The following MAPKBP1 variants were observed in gnomAD, a reference collection of about 807,000 sequenced individuals.
MAPKBP1 encodes the protein mitogen-activated protein kinase binding protein 1.
In MAPKBP1, 71 loss-of-function variants were observed where a neutral mutation model predicts 170.5. The ratio of observed to expected loss-of-function variants is 0.42; its 90% CI spans 0.34 to 0.51. The LOEUF (loss-of-function observed/expected upper bound fraction) is 0.51, where lower values mean the gene tolerates loss of function less well. Ranked by LOEUF, MAPKBP1 falls within the 20% of genes least tolerant of loss-of-function variation. The pLI is 0.06. For missense variants in MAPKBP1, 1,598 were observed against 1,933.0 expected (o/e 0.83, Z 3.25); for synonymous variants, 719 against 757.9 (o/e 0.95, Z 0.84).
intron 2 of MAPKBP1, among the ~76,000 whole-genome samples, chr15:41,777,639 T>A (rs901859697): frequency 1.3e-5 from 2 of 152,142 alleles, no homozygotes; most frequent in African/African-American, 4.8e-5. Flanking sequence ...GCTGTCTTTG[T>A]GCGCCCAGGA....
intron 3 of MAPKBP1, among the ~76,000 whole-genome samples, chr15:41,801,287 C>G (rs2064589764): frequency 6.6e-6 from 1 of 152,278 alleles, no homozygotes; most frequent in South Asian, 2.1e-4. Flanking sequence ...CCTTTTCACT[C>G]CTCTGCTCCT....
At chr15:41,801,723 G>A (rs1024474778) in intron 3 of MAPKBP1, among the ~76,000 whole-genome samples, 1 of 152,106 alleles carries the variant, frequency 6.6e-6, no homozygotes, top group African/African-American at 2.4e-5. Flanking sequence ...GATGGCGGGT[G>A]CTGGTAGTCC....
intron 2 of MAPKBP1, among the ~76,000 whole-genome samples, 192 bp from the exon 3 acceptor site, chr15:41,799,631 T>A (rs964990646): frequency 6.6e-5 from 10 of 152,212 alleles, no homozygotes; most frequent in Non-Finnish European, 1.3e-4. Flanking sequence ...TGATGCACGC[T>A]GGGTTTTTCC....
chr15:41,774,734 G>C (rs2064066495), intron 1 of MAPKBP1, 124 bp downstream of exon 1: 1 of 399,780 alleles, frequency 2.5e-6, no homozygotes, highest in African/African-American at 2.1e-5. Flanking sequence ...GAGTGGGGGA[G>C]GGAGGCTCCC....
At position 41,827,041 on chromosome 15, in the gene MAPKBP1, A is replaced by C. The variant is rs2065114757; in HGVS notation, c.*1605A>C. The C allele has an allele frequency of 6.6e-6, 1 of 152,288 alleles. No homozygotes were observed. The allele number at this position is 152,288 out of a possible 1,614,324, so 9.4% of individuals were successfully genotyped here. On this transcript the variant is annotated 3_prime_UTR_variant, in exon 31 of 31. Coordinates refer to ENST00000457542, the MANE Select transcript of MAPKBP1 (RefSeq NM_014994.3). ...CCAGGTGTGGTGGCTCAAGCCTGTA[A>C]TCCCAGCACTTTGGGAGGCCGAGGC... is the stretch of plus-strand genomic sequence containing the variant.
chr15:41,799,620 G>A (rs912337497), intron 2 of MAPKBP1, among the ~76,000 whole-genome samples: 9 of 152,198 alleles, frequency 5.9e-5, no homozygotes, highest in South Asian at 2.1e-4. Flanking sequence ...CCGAAAATAG[G>A]TGATGCACGC....
intron 10 of MAPKBP1, 21 bp from the exon 11 acceptor site, chr15:41,815,238 G>A: frequency 6.2e-7 from 1 of 1,613,926 alleles, no homozygotes; most frequent in Non-Finnish European, 8.5e-7. Context: ...AGGTCTGATT[G>A]TGTTCCCTCG....
chr15:41,818,019 A>T lies in MAPKBP1; in HGVS notation c.1915A>T (p.Ile639Phe). The T allele has an allele frequency of 6.2e-7, 1 of 1,614,134 alleles. No individual in the cohort carries two copies. The highest frequency in any genetic ancestry group is 8.5e-7 in the Non-Finnish European group (1 of 1,179,990). The change falls in exon 17 of 31, where the codon ATC becomes TTC. Residue 639 changes from isoleucine (I) to phenylalanine (F), a missense_variant. By Grantham distance (21) the Ile-to-Phe change is conservative. Coordinates refer to ENST00000457542, the MANE Select transcript of MAPKBP1 (RefSeq NM_014994.3). This position sits in a 1 kb window ranked among gnomAD's most constrained non-coding sequence, Gnocchi z 5.2. ...CQDRNIRIFN[I>F]SSGKQKKLFK... The stretch of plus-strand genomic sequence containing the variant: ...CTATGTTTCTTACAGGATATTTAAC[A>T]TCAGCAGTGGAAAGCAGAAGAAGCT...
chr15:41,788,605 T>C (rs1474709400), intron 2 of MAPKBP1, among the ~76,000 whole-genome samples: 1 of 152,048 alleles, frequency 6.6e-6, no homozygotes, highest in Non-Finnish European at 1.5e-5. Context: ...TATAGGGTAG[T>C]GGAAGGGAAG....
Position 41,819,639 on chromosome 15 carries a change from G to C in MAPKBP1, c.2470G>C (p.Glu824Gln), listed in dbSNP as rs1369123433. 6.2e-7 allele frequency: 1 copy of C among 1,610,482 alleles called. No individual in the cohort carries two copies. The highest frequency in any genetic ancestry group is 1.1e-5 in the South Asian group (1 of 90,992). Residue 824 changes from glutamate to glutamine, a missense_variant, in exon 22 of 31, where the codon GAG (glutamate) becomes CAG (glutamine). Coordinates refer to ENST00000457542, the MANE Select transcript of MAPKBP1 (RefSeq NM_014994.3). ...TTTGCCCCGAAGCCTGTCCCACTGG[G>C]AGATGAGTCGGGTGAGTCGCCATTG... ...PALPRSLSHW[E>Q]MSRAQESVGF...
Position 41,813,690 on chromosome 15 carries a change from C to T in MAPKBP1, c.889C>T (p.Arg297Cys), listed in dbSNP as rs140231246. 2.2e-4 allele frequency: 349 copies of T among 1,614,072 alleles called. No homozygotes were observed. The highest frequency in any genetic ancestry group is 6.6e-4 in the Middle Eastern group (4 of 6,062). ...IFCGCADGTV[R>C]LFNPSNLHFL... ...CTGTGGCTGTGCTGATGGCACCGTGCGCCTTTTCAACCCCTCTAACCTGCA... is the reference window on the plus strand; with the variant it reads ...CTGTGGCTGTGCTGATGGCACCGTGTGCCTTTTCAACCCCTCTAACCTGCA... The change falls in exon 9 of 31, where the codon CGC (arginine) becomes TGC (cysteine). Residue 297 changes from arginine (R) to cysteine (C), a missense_variant. Arg to Cys is a radical substitution (Grantham distance 180, BLOSUM62 -3). Coordinates refer to ENST00000457542, the MANE Select transcript of MAPKBP1 (RefSeq NM_014994.3).
In MAPKBP1 at chr15:41,823,142, G is replaced by C; in HGVS notation, c.3518G>C (p.Trp1173Ser). 1 of 1,613,684 alleles carries C rather than the reference G, an allele frequency of 6.2e-7. No homozygotes were observed. Among genetic ancestry groups the C allele is most frequent in the South Asian group, 1.1e-5 (1 of 91,080 alleles). Residue 1173 changes from tryptophan (W) to serine (S), a missense_variant, in exon 28 of 31, where the codon TGG becomes TCG. By Grantham distance (177) the Trp-to-Ser change is radical (BLOSUM62 -3). This residue lies in a region of MAPKBP1 where 942 missense variants were observed against 953.2 expected (regional missense o/e 0.99). Coordinates refer to ENST00000457542, the MANE Select transcript of MAPKBP1 (RefSeq NM_014994.3). ...TGCCGTCTCAACCCTGACAGCAGCT[G>C]GGCTCCCAAGAGAGTGGCCACAGCC... Reference protein sequence around the residue: ...PRCRLNPDSSWAPKRVATASP... With the variant: ...PRCRLNPDSSSAPKRVATASP...
In MAPKBP1 at chr15:41,826,351, G is replaced by A. The variant is rs1291064063; in HGVS notation, c.*915G>A. 6.6e-6 allele frequency: 1 copy of A among 152,418 alleles called. No homozygotes were observed. The highest frequency in any genetic ancestry group is 1.5e-5 in the Non-Finnish European group (1 of 68,166). The allele number at this position is 152,418 out of a possible 1,614,324, so 9.4% of individuals were successfully genotyped here. A position where few individuals can be genotyped will look rare whatever the true frequency, so the allele number is the denominator to read the frequency against. On this transcript the variant is annotated 3_prime_UTR_variant, in exon 31 of 31. Transcript: ENST00000457542. ...TACGGGGCGCTGGCCTACCTCCTGA[G>A]GACCTCAGCCACAGATGAGATCACA...
At chr15:41,811,088 T>G in intron 4 of MAPKBP1, 90 bp from the exon 5 acceptor site, 1 of 1,548,964 alleles carries the variant, frequency 6.5e-7, no homozygotes, top group Non-Finnish European at 8.9e-7. Flanking sequence ...GCCATTGGTG[T>G]CTGCTGGTCT....
intron 2 of MAPKBP1, among the ~76,000 whole-genome samples, chr15:41,793,519 T>C (rs1004089310): frequency 2.0e-5 from 3 of 152,208 alleles, no homozygotes; most frequent in Non-Finnish European, 4.4e-5. Flanking sequence ...TGTAATGGGT[T>C]TATTGTTATT....
At position 41,775,242 on chromosome 15, in the gene MAPKBP1, G is replaced by C. The variant is rs1211921847; in HGVS notation, c.-34G>C. ...GCTGTTGAGACAAGACCCAGGACTG[G>C]GCCGGGGACTGTCCCAAAGGGTTTC... is the stretch of plus-strand genomic sequence containing the variant. On this transcript the variant is annotated 5_prime_UTR_variant, in exon 2 of 31. Transcript: ENST00000457542. 1.3e-6 allele frequency: 2 copies of C among 1,564,654 alleles called. No individual in the cohort carries two copies. The highest frequency in any genetic ancestry group is 1.4e-5 in the African/African-American group (1 of 74,062).
chr15:41,819,072 T>G (rs1203908749), intron 20 of MAPKBP1, 115 bp downstream of exon 20: 25 of 1,509,854 alleles, frequency 1.7e-5, no homozygotes, highest in Non-Finnish European at 2.3e-5. Flanking sequence ...TCCCAAGACC[T>G]TACCTCTCAC....
chr15:41,798,266 A>T (rs1366252094), intron 2 of MAPKBP1, among the ~76,000 whole-genome samples: 1 of 150,076 alleles, frequency 6.7e-6, no homozygotes, highest in African/African-American at 2.5e-5. Flanking sequence ...AAAAAAAAAA[A>T]AAAAATCTAA....
At chr15:41,812,680 A>G (rs759948071) in intron 7 of MAPKBP1, 27 bp downstream of exon 7, 56 of 1,566,234 alleles carry the variant, frequency 3.6e-5, no homozygotes, top group Middle Eastern at 1.8e-4. Flanking sequence ...GGGAGTAGCC[A>G]CCAAGGCCCC....
Sources: gnomAD v4.1 joint callset for allele counts (sites outside exome capture counted in the v4.1 genomes callset) on GRCh38, gnomAD v4.1.1 for gene constraint, gnomAD v4.1.1 regional missense constraint, Gnocchi (gnomAD v3.1) non-coding constraint, MANE v1.5 for transcripts, NCBI Gene and HGNC (gene_info 2026-07-23, HGNC 2026-07-21) for gene names.